Variants in HELZ observed in about 807,000 individuals in gnomAD.
HELZ encodes the protein helicase with zinc finger, also known as ATP-dependent RNA helicase with zinc finger domain.
In HELZ, 23 loss-of-function variants were observed where a neutral mutation model predicts 218.2. That is an observed-to-expected ratio of 0.11 (90% CI 0.08 to 0.15). The LOEUF (loss-of-function observed/expected upper bound fraction) is 0.15. Ranked by LOEUF, HELZ falls within the 10% of genes least tolerant of loss-of-function variation. The pLI is 1.00. For synonymous variants in HELZ, 814 were observed against 829.4 expected (o/e 0.98, Z 0.32); for missense variants, 1,813 against 2,353.7 (o/e 0.77, Z 4.75).
chr17:67,233,884 A>G (rs529684519), intron 3 of HELZ, among the ~76,000 whole-genome samples: 45 of 151,984 alleles, frequency 3.0e-4, no homozygotes, highest in African/African-American at 1.1e-3. Flanking sequence ...CGTCTCTACT[A>G]AAAATACAAA....
intron 13 of HELZ, among the ~76,000 whole-genome samples, chr17:67,174,257 A>G (rs1255530249): frequency 6.6e-6 from 1 of 151,434 alleles, no homozygotes; most frequent in Admixed American, 6.6e-5. Flanking sequence ...AATGTATTTT[A>G]TCTAATCTTG....
At chr17:67,112,254 T>C (rs1226025627) in intron 28 of HELZ, among the ~76,000 whole-genome samples, 2 of 152,188 alleles carry the variant, frequency 1.3e-5, no homozygotes, top group Admixed American at 1.3e-4. Flanking sequence ...AAACAAAACA[T>C]GTCTTCAGGT....
Position 67,151,222 on chromosome 17 carries a change from A to G in HELZ, c.2180T>C (p.Val727Ala). The G allele has an allele frequency of 6.3e-7, 1 of 1,599,638 alleles. No homozygotes were observed. Among genetic ancestry groups the G allele is most frequent in the East Asian group, 2.2e-5 (1 of 44,542 alleles). The stretch of plus-strand genomic sequence containing the variant: ...CTTTACCCAGCGATTTCTGAAATAT[A>G]CCCTGGAAAAGAAGAAAATATTTCT... Reference protein sequence around the residue: ...AGNPQARPLRVYFRNRWVKTV... With the variant: ...AGNPQARPLRAYFRNRWVKTV... Residue 727 changes from valine (V) to alanine (A), a missense_variant and splice_region_variant, in exon 18 of 33, where the codon GTA becomes GCA. Around this residue, in one of 4 missense-constraint regions of HELZ, gnomAD observed 714 missense variants for 1,029.2 expected, o/e 0.69. Transcript: ENST00000358691.
At chr17:67,228,970 G>A (rs543309060) in intron 3 of HELZ, among the ~76,000 whole-genome samples, 81 of 152,032 alleles carry the variant, frequency 5.3e-4, no homozygotes, top group African/African-American at 1.8e-3. Flanking sequence ...CGCCCGCCTC[G>A]GCCACCCAAA....
chr17:67,224,517 G>A lies in HELZ; in HGVS notation c.-18-5695C>T, dbSNP rs771136912. The A allele has an allele frequency of 1.2e-5, 4 of 335,922 alleles. No homozygotes were observed. In the East Asian group the frequency reaches 2.1e-4, roughly 17 times the overall value. 20.8% of individuals were successfully genotyped at this position (335,922 alleles called of 1,614,324 possible). A position where few individuals can be genotyped will look rare whatever the true frequency, so the allele number is the denominator to read the frequency against. ...AAGACAGTCTTAATTTAGATAATCT[G>A]ATCAGTACCAAATGAGCTGATAATT... On this transcript the variant is annotated intron_variant, in intron 3 of 32. Transcript: ENST00000358691.
intron 13 of HELZ, among the ~76,000 whole-genome samples, chr17:67,170,041 G>A (rs2039262440): frequency 6.6e-6 from 1 of 152,186 alleles, no homozygotes; most frequent in South Asian, 2.1e-4. Flanking sequence ...AACAGCAGTT[G>A]GGCCCCCAAG....
intron 1 of HELZ, 95 bp downstream of exon 1, chr17:67,245,053 C>G (rs1415033988): frequency 1.0e-6 from 1 of 984,794 alleles, no homozygotes; most frequent in Non-Finnish European, 1.2e-6. Context: ...GCCCGGGGTC[C>G]GGGACACCGG....
In HELZ at chr17:67,128,819, T is replaced by C. The variant is rs759313954; in HGVS notation, c.3219A>G (p.Glu1073=). ...FWERFIALCH[E]NSSLHGITFE... Reference sequence around the variant, plus strand: ...AAGTGATTCCATGTAGGCTACTGTTTTCATGACACAGGGCAATAAACCGTT... The same window carrying C: ...AAGTGATTCCATGTAGGCTACTGTTCTCATGACACAGGGCAATAAACCGTT... Residue 1073 remains glutamate, a synonymous_variant, in exon 24 of 33, where the codon GAA becomes GAG. Coordinates refer to ENST00000358691, the MANE Select transcript of HELZ (RefSeq NM_014877.4). 14 of 1,614,130 alleles carry C rather than the reference T, an allele frequency of 8.7e-6. No individual in the cohort carries two copies. Among genetic ancestry groups the C allele is most frequent in the Admixed American group, 1.7e-5 (1 of 60,012 alleles).
At chr17:67,197,615 A>G (rs2040065571) in intron 7 of HELZ, among the ~76,000 whole-genome samples, 2 of 152,356 alleles carry the variant, frequency 1.3e-5, no homozygotes, top group Admixed American at 6.5e-5. Context: ...TGAACAGCAC[A>G]GGTGCTCAGT....
At chr17:67,214,476 G>C (rs945033741) in intron 5 of HELZ, among the ~76,000 whole-genome samples, 1 of 151,414 alleles carries the variant, frequency 6.6e-6, no homozygotes, top group Non-Finnish European at 1.5e-5. Context: ...ATATTGGCCA[G>C]GCTGGTTTCG....
intron 28 of HELZ, among the ~76,000 whole-genome samples, chr17:67,113,974 A>G (rs898392258): frequency 1.3e-5 from 2 of 152,216 alleles, no homozygotes; most frequent in Admixed American, 6.5e-5. Flanking sequence ...GAGGGACCTG[A>G]GTAAGTCTTC....
At chr17:67,229,211 C>T (rs756155104) in intron 3 of HELZ, among the ~76,000 whole-genome samples, 38 of 152,144 alleles carry the variant, frequency 2.5e-4, no homozygotes, top group Non-Finnish European at 4.1e-4. Flanking sequence ...AGCTCATTAA[C>T]AGATATCCGG....
Position 67,207,936 on chromosome 17 carries a change from T to C in HELZ, c.248-4493A>G, listed in dbSNP as rs140308397. On this transcript the variant is annotated intron_variant, in intron 5 of 32. Coordinates refer to ENST00000358691, the MANE Select transcript of HELZ (RefSeq NM_014877.4). ...ACTGCTTGTACCCAGGAGGCTGAAG[T>C]TGCAGTGAGCTGAGATCACTCCACT... Among the ~76,000 whole-genome samples the C allele has an allele frequency of 1.6e-3, 245 of 152,270 alleles. 1 individual carries two copies. The highest frequency in any genetic ancestry group is 5.7e-3 in the African/African-American group (236 of 41,566).
chr17:67,098,034 A>C (rs2036802032), intron 31 of HELZ, among the ~76,000 whole-genome samples: 1 of 152,202 alleles, frequency 6.6e-6, no homozygotes, highest in African/African-American at 2.4e-5. Context: ...TTCTAAAATG[A>C]ACTAGCTCCC....
rs997647850 is a variant in HELZ, at chr17:67,073,477, A to G, written c.*4775T>C. On this transcript the variant is annotated 3_prime_UTR_variant, in exon 33 of 33. Coordinates refer to ENST00000358691, the MANE Select transcript of HELZ (RefSeq NM_014877.4). ...AAATAAAGTCTGGTCTAATACTCTG[A>G]TAACTGAAACTATATGAATGTCTCT... 6.6e-6 allele frequency: 1 copy of G among 152,540 alleles called. No homozygotes were observed. The highest frequency in any genetic ancestry group is 2.4e-5 in the African/African-American group (1 of 41,466). The allele number at this position is 152,540 out of a possible 1,614,324, so 9.4% of individuals were successfully genotyped here.
chr17:67,089,995 T>C (rs1201975485), intron 31 of HELZ, among the ~76,000 whole-genome samples: 2 of 152,062 alleles, frequency 1.3e-5, no homozygotes, highest in Non-Finnish European at 2.9e-5. Flanking sequence ...TTATTCCTAA[T>C]CTTAGAAGCA....
intron 13 of HELZ, among the ~76,000 whole-genome samples, chr17:67,172,458 T>C (rs1044354379): frequency 2.7e-5 from 4 of 148,258 alleles, no homozygotes; most frequent in African/African-American, 1.0e-4. Flanking sequence ...ATTTTGTTCA[T>C]TGAATTAATT....
In HELZ at chr17:67,109,474, G is replaced by A. The variant is rs1173760108; in HGVS notation, c.4131C>T (p.His1377=). Residue 1377 remains histidine, a synonymous_variant, in exon 29 of 33, where the codon CAC becomes CAT. Coordinates refer to ENST00000358691, the MANE Select transcript of HELZ (RefSeq NM_014877.4). ...TATTCTGCTGCTGATTTAACAAGGT[G>A]TGCTGCTGTGGAATTGGAAAGGGTG... The part of the protein sequence containing the change: ...PRPPFPIPQQ[H]TLLNQQQNNL... 1 of 1,614,036 alleles carries A rather than the reference G, an allele frequency of 6.2e-7. No individual in the cohort carries two copies. The highest frequency in any genetic ancestry group is 8.5e-7 in the Non-Finnish European group (1 of 1,180,030).
In HELZ at chr17:67,123,120, T is replaced by G; in HGVS notation, c.3480A>C (p.Arg1160Ser). 1 of 1,613,686 alleles carries G rather than the reference T, an allele frequency of 6.2e-7. No homozygotes were observed. The highest frequency in any genetic ancestry group is 8.5e-7 in the Non-Finnish European group (1 of 1,179,698). ...NPSVLIGNPI[R>S]AYTPPPPLGP... ...CAAGAGGGGGTGGAGGAGTATATGC[T>G]CTAATAGGATTGCCAATAAGTACAG... Residue 1160 changes from arginine (R) to serine (S), a missense_variant, in exon 26 of 33, where the codon AGA becomes AGC. Arg to Ser is a moderately radical substitution (Grantham distance 110). Coordinates refer to ENST00000358691, the MANE Select transcript of HELZ (RefSeq NM_014877.4).
Sources: allele counts gnomAD v4.1 joint callset (sites outside exome capture counted in the v4.1 genomes callset), GRCh38; gene constraint gnomAD v4.1.1; regional missense constraint gnomAD v4.1.1; transcripts MANE v1.5; gene names NCBI Gene and HGNC (gene_info 2026-07-23, HGNC 2026-07-21).